Variants in CCDC74B observed in about 807,000 individuals in gnomAD.
CCDC74B encodes coiled-coil domain-containing protein 74B.
Under a neutral mutation model 38.0 loss-of-function variants are expected in CCDC74B, and 34 were observed. The observed-to-expected ratio is 0.89, with a 90% CI of 0.68 to 1.19. CCDC74B has a LOEUF of 1.19. CCDC74B is among the 50% of genes most tolerant of loss of function. The pLI, the probability that CCDC74B is intolerant of heterozygous loss-of-function variation, is 0.00. For synonymous variants in CCDC74B, 132 were observed against 170.4 expected (o/e 0.77, Z 1.76); for missense variants, 358 against 406.0 (o/e 0.88, Z 1.02).
At chr2:130,143,942 G>A (rs1362246302) in intron 1 of CCDC74B, among the ~76,000 whole-genome samples, 1 of 148,502 alleles carries the variant, frequency 6.7e-6, no homozygotes, top group Non-Finnish European at 1.5e-5. Flanking sequence ...GAGGGAGAAA[G>A]GGGGGCGTGG....
intron 1 of CCDC74B, chr2:130,144,361 G>T: frequency 1.2e-6 from 1 of 864,414 alleles, no homozygotes; most frequent in Non-Finnish European, 1.9e-6. Context: ...GGATGGTCTC[G>T]ATCTCCTGAC....
chr2:130,143,663 G>T (rs1323652621), intron 1 of CCDC74B, among the ~76,000 whole-genome samples: 1 of 152,180 alleles, frequency 6.6e-6, no homozygotes, highest in Non-Finnish European at 1.5e-5. Context: ...GGGCATCAGG[G>T]ACTGGGGGGA....
chr2:130,144,199 G>T (rs1685873488), intron 1 of CCDC74B, among the ~76,000 whole-genome samples: 1 of 152,218 alleles, frequency 6.6e-6, no homozygotes, highest in Non-Finnish European at 1.5e-5. Context: ...GAGTGCAGTG[G>T]CAAGATCTCG....
At chr2:130,141,831 C>G in intron 3 of CCDC74B, 1 of 566,878 alleles carries the variant, frequency 1.8e-6, no homozygotes, top group Non-Finnish European at 3.0e-6. Context: ...TGCTGGGCAG[C>G]CAGGGTACGT....
chr2:130,143,192 G>A lies in CCDC74B; in HGVS notation c.295+77C>T, dbSNP rs559420484. On this transcript the variant is annotated intron_variant, in intron 2 of 7. Coordinates refer to ENST00000409943, the MANE Select transcript of CCDC74B (RefSeq NM_001258307.2). ...GGCATACAGGGGCCAGTGCAGCCAGGTGGGCAAGGACAGTCTGGAGGGGCT... is the reference window on the plus strand; with the variant it reads ...GGCATACAGGGGCCAGTGCAGCCAGATGGGCAAGGACAGTCTGGAGGGGCT... 119 of 1,565,872 alleles carry A rather than the reference G, an allele frequency of 7.6e-5. 1 individual carries two copies. The East Asian group carries it at 2.3e-3, about 30-fold the overall frequency.
chr2:130,143,440 C>T lies in CCDC74B; in HGVS notation c.251-127G>A, dbSNP rs1281370223. ...TGCCCCCCCACTGGCTGATTGGGCC[C>T]TGCCCCATGGATCCCGCTCTCCACC... On this transcript the variant is annotated intron_variant, in intron 1 of 7. Coordinates refer to ENST00000409943, the MANE Select transcript of CCDC74B (RefSeq NM_001258307.2). The T allele has an allele frequency of 4.1e-6, 5 of 1,228,426 alleles. No individual in the cohort carries two copies. In the African/African-American group the frequency reaches 6.0e-5, roughly 15 times the overall value. 76.1% of individuals were successfully genotyped at this position (1,228,426 alleles called of 1,614,324 possible).
rs751226892 is a variant in CCDC74B, at chr2:130,143,154, T to A, written c.295+115A>T. 2.1e-5 allele frequency: 32 copies of A among 1,542,854 alleles called. No individual in the cohort carries two copies. The highest frequency in any genetic ancestry group is 2.7e-5 in the Non-Finnish European group (31 of 1,145,148). ...ATCTGTCCAGGTCCCCCAGAACCTG[T>A]CCCCACTGGGTTGGCATACAGGGGC... On this transcript the variant is annotated intron_variant, in intron 2 of 7. Coordinates refer to ENST00000409943, the MANE Select transcript of CCDC74B (RefSeq NM_001258307.2).
chr2:130,142,238 C>A, intron 2 of CCDC74B, 55 bp from the exon 3 acceptor site: 1 of 1,561,512 alleles, frequency 6.4e-7, no homozygotes, highest in Non-Finnish European at 8.7e-7. Context: ...CCATGCTTGC[C>A]TCCTGGCCTG....
At position 130,143,288 on chromosome 2, in the gene CCDC74B, A is replaced by G; in HGVS notation, c.276T>C (p.Asn92=). ...TCTCACCTTTCTTCTGTGATGTCTGATTCATTATGAGCTTGTAACGGAGAT... is the reference window on the plus strand; with the variant it reads ...TCTCACCTTTCTTCTGTGATGTCTGGTTCATTATGAGCTTGTAACGGAGAT... ...NKDLRYKLIM[N]QTSQKKDSLS... The change falls in exon 2 of 8, where the codon AAT becomes AAC. Residue 92 remains asparagine, a synonymous_variant. Coordinates refer to ENST00000409943, the MANE Select transcript of CCDC74B (RefSeq NM_001258307.2). The G allele has an allele frequency of 1.2e-6, 2 of 1,613,954 alleles. No homozygotes were observed. Among genetic ancestry groups the G allele is most frequent in the Non-Finnish European group, 1.7e-6 (2 of 1,179,838 alleles).
At chr2:130,142,082 G>T in intron 3 of CCDC74B, 51 bp downstream of exon 3, 7 of 1,596,218 alleles carry the variant, frequency 4.4e-6, no homozygotes, top group Non-Finnish European at 6.0e-6. Flanking sequence ...CCAGGCTGGG[G>T]TCCCCGTGGG....
intron 1 of CCDC74B, among the ~76,000 whole-genome samples, chr2:130,143,668 G>A (rs574184993): frequency 6.6e-6 from 1 of 152,206 alleles, no homozygotes; most frequent in East Asian, 1.9e-4. Flanking sequence ...TCAGGGACTG[G>A]GGGGAGGCTC....
chr2:130,142,041 A>T lies in CCDC74B; in HGVS notation c.346+92T>A, dbSNP rs115740913. 13,603 of 1,562,026 alleles carry T rather than the reference A, an allele frequency of 8.7e-3. 1,002 individuals are homozygous for T. In the African/African-American group the frequency reaches 0.16, roughly 18 times the overall value. On this transcript the variant is annotated intron_variant, in intron 3 of 7. Coordinates refer to ENST00000409943, the MANE Select transcript of CCDC74B (RefSeq NM_001258307.2). ...CAAATCCTGGAGCTTGGCCCAGCAG[A>T]GGGTACCTGGTCAGCACCCCTAGAG...
rs114802862 is a variant in CCDC74B, at chr2:130,141,243, C to T, written c.400G>A (p.Val134Ile). The change falls in exon 4 of 8, where the codon GTC becomes ATC. Residue 134 changes from valine to isoleucine, a missense_variant. This residue lies in a region of CCDC74B where 17 missense variants were observed against 47.1 expected (regional missense o/e 0.36). Transcript: ENST00000409943. ...TCTTCCAGGTCCGCCTTCTGGGGGA[C>T]GTCAGCTTTTGAATCTTGCTTGTTG... The part of the protein sequence containing the change: ...SFNKQDSKAD[V>I]PQKADLEEEP... 15,207 of 1,595,456 alleles carry T rather than the reference C, an allele frequency of 9.5e-3. 192 individuals carry two copies. In the African/African-American group the frequency reaches 0.17, roughly 18 times the overall value.
chr2:130,144,168 C>T (rs1685870826), intron 1 of CCDC74B, among the ~76,000 whole-genome samples: 1 of 152,202 alleles, frequency 6.6e-6, no homozygotes, highest in Non-Finnish European at 1.5e-5. Flanking sequence ...GAGACGGAGT[C>T]TCGCTCTGTC....
At chr2:130,143,044 T>A in intron 2 of CCDC74B, 1 of 1,490,868 alleles carries the variant, frequency 6.7e-7, no homozygotes, top group South Asian at 1.4e-5. Flanking sequence ...CCCACTGCAA[T>A]GACCTCAGGC....
rs780226584 is a variant in CCDC74B, at chr2:130,142,130, C to T, written c.346+3G>A. 5 of 1,613,280 alleles carry T rather than the reference C, an allele frequency of 3.1e-6. No homozygotes were observed. In the South Asian group the frequency reaches 3.3e-5, roughly 11 times the overall value. On this transcript the variant is annotated splice_donor_region_variant and intron_variant, in intron 3 of 7. Coordinates refer to ENST00000409943, the MANE Select transcript of CCDC74B (RefSeq NM_001258307.2). ...GTGAGCACATGGACGCCAGCCTGCT[C>T]ACCTGAATTAGAGATGGACTTGACA...
Position 130,139,639 on chromosome 2 carries a change from C to T in CCDC74B, c.861G>A (p.Lys287=). The T allele has an allele frequency of 1.2e-6, 2 of 1,613,446 alleles. No individual in the cohort carries two copies. The highest frequency in any genetic ancestry group is 2.7e-5 in the African/African-American group (2 of 75,070). The change falls in exon 8 of 8, where the codon AAG becomes AAA. Residue 287 remains lysine, a synonymous_variant. Transcript: ENST00000409943. ...VAERAILPAL[K]QTPKNNFAER... ...CGGCAAAGTTGTTCTTCGGGGTCTG[C>T]TTCAGTGCGGGCAGGATGGCACGCT...
intron 1 of CCDC74B, among the ~76,000 whole-genome samples, chr2:130,144,184 G>C (rs2104766365): frequency 6.6e-6 from 1 of 152,316 alleles, no homozygotes; most frequent in South Asian, 2.1e-4. Context: ...CTGTCACCGA[G>C]GCTGGAGTGC....
chr2:130,144,489 G>A (rs763780936), intron 1 of CCDC74B: 4 of 1,526,356 alleles, frequency 2.6e-6, no homozygotes, highest in South Asian at 2.4e-5. Context: ...TTGGAGAGGA[G>A]AGGACTGGCG....
Sources: gnomAD v4.1 joint callset for allele counts (sites outside exome capture counted in the v4.1 genomes callset) on GRCh38, gnomAD v4.1.1 for gene constraint, gnomAD v4.1.1 regional missense constraint, MANE v1.5 for transcripts, NCBI Gene and HGNC (gene_info 2026-07-23, HGNC 2026-07-21) for gene names.